The following IQCM variants were observed in gnomAD, a reference collection of about 807,000 sequenced individuals.
The protein encoded by IQCM is IQ motif containing M, also known as IQ domain-containing protein M.
IQCM carries 45 observed loss-of-function variants against 57.6 expected under a neutral mutation model. The observed-to-expected ratio is 0.78, with a 90% CI of 0.62 to 1.00. The LOEUF (loss-of-function observed/expected upper bound fraction) is 1.00, where lower values mean the gene tolerates loss of function less well. Ranked by LOEUF, IQCM falls within the 50% of genes least tolerant of loss-of-function variation. The pLI is 0.00. For missense variants in IQCM, 468 were observed against 511.6 expected (o/e 0.91, Z 0.82); for synonymous variants, 148 against 158.9 (o/e 0.93, Z 0.51).
At chr4:149,645,670 G>A (rs572055376) in intron 7 of IQCM, among the ~76,000 whole-genome samples, 2 of 152,094 alleles carry the variant, frequency 1.3e-5, no homozygotes, top group East Asian at 3.9e-4. Context: ...ATGTAGCACT[G>A]CCTTTTTAGT....
At chr4:149,586,522 C>G (rs1332385678) in intron 9 of IQCM, among the ~76,000 whole-genome samples, 1 of 151,476 alleles carries the variant, frequency 6.6e-6, no homozygotes, top group African/African-American at 2.4e-5. Context: ...TTAAAAAGAG[C>G]ACATAAATTT....
intron 7 of IQCM, among the ~76,000 whole-genome samples, chr4:149,664,978 G>A (rs893501265): frequency 3.9e-5 from 6 of 152,156 alleles, no homozygotes; most frequent in Non-Finnish European, 7.3e-5. Flanking sequence ...CTAGAAAGAG[G>A]TTAGGCACAT....
At chr4:149,771,300 C>T (rs1331304945) in intron 2 of IQCM, among the ~76,000 whole-genome samples, 2 of 151,864 alleles carry the variant, frequency 1.3e-5, no homozygotes, top group Non-Finnish European at 2.9e-5. Flanking sequence ...AACTATCTGC[C>T]CCTGTCAAGC....
chr4:149,814,677 A>T (rs1034780281), intron 2 of IQCM, among the ~76,000 whole-genome samples: 1 of 152,016 alleles, frequency 6.6e-6, no homozygotes, highest in African/African-American at 2.4e-5. Flanking sequence ...ACTTAGGGAC[A>T]GTTAAGATTA....
intron 12 of IQCM, among the ~76,000 whole-genome samples, chr4:149,497,985 G>A (rs1742848656): frequency 6.6e-6 from 1 of 152,072 alleles, no homozygotes; most frequent in Admixed American, 6.6e-5. Flanking sequence ...TCATAGATGT[G>A]ATAAAACACC....
chr4:149,647,265 T>A (rs906973906), intron 7 of IQCM, among the ~76,000 whole-genome samples: 3 of 152,182 alleles, frequency 2.0e-5, no homozygotes, highest in Admixed American at 2.0e-4. Flanking sequence ...TTGATTATAT[T>A]TACTATTTTT....
At position 149,451,427 on chromosome 4, in the gene IQCM, A is replaced by G. The variant is rs1357507242; in HGVS notation, c.1229-17870T>C. 7.2e-5 allele frequency among the ~76,000 whole-genome samples: 11 copies of G among 151,796 alleles called. No individual in the cohort carries two copies. In the South Asian group the frequency reaches 1.0e-3, roughly 14 times the overall value. ...TGATTATTATGCATTGCATGTCTGTATCACAGCATCTCATGTACTCCATCA... is the reference window on the plus strand; with the variant it reads ...TGATTATTATGCATTGCATGTCTGTGTCACAGCATCTCATGTACTCCATCA... On this transcript the variant is annotated intron_variant, in intron 12 of 13. Transcript: ENST00000636793.
chr4:149,396,156 A>T (rs1401698078), intron 13 of IQCM, among the ~76,000 whole-genome samples: 4 of 151,922 alleles, frequency 2.6e-5, no homozygotes, highest in Non-Finnish European at 5.9e-5. Flanking sequence ...AAATACTACA[A>T]AAAATACCTG....
intron 7 of IQCM, among the ~76,000 whole-genome samples, chr4:149,639,658 T>A (rs1758018890): frequency 6.6e-6 from 1 of 151,208 alleles, no homozygotes; most frequent in Non-Finnish European, 1.5e-5. Context: ...CAGTGGCTCA[T>A]GCCTATAATC....
At chr4:149,779,166 C>A (rs1011750798) in intron 2 of IQCM, among the ~76,000 whole-genome samples, 1 of 152,088 alleles carries the variant, frequency 6.6e-6, no homozygotes, top group Non-Finnish European at 1.5e-5. Context: ...TCAATGCTGG[C>A]TTCATATTCA....
At chr4:149,421,536 G>A (rs963612460) in intron 13 of IQCM, among the ~76,000 whole-genome samples, 11 of 151,994 alleles carry the variant, frequency 7.2e-5, no homozygotes, top group African/African-American at 9.6e-5. Flanking sequence ...AATTTTAAGT[G>A]TTTTATACAC....
At chr4:149,729,913 C>T (rs1414058761) in intron 5 of IQCM, among the ~76,000 whole-genome samples, 1 of 152,156 alleles carries the variant, frequency 6.6e-6, no homozygotes, top group African/African-American at 2.4e-5. Flanking sequence ...TATGCCCATT[C>T]ATTTCTAATT....
At chr4:149,666,721 G>A (rs1015970435) in intron 7 of IQCM, among the ~76,000 whole-genome samples, 2 of 152,092 alleles carry the variant, frequency 1.3e-5, no homozygotes, top group African/African-American at 4.8e-5. Context: ...AGTTGACCTG[G>A]GATACTAGAG....
intron 5 of IQCM, among the ~76,000 whole-genome samples, chr4:149,720,817 C>T (rs1201288923): frequency 6.6e-6 from 1 of 152,142 alleles, no homozygotes; most frequent in African/African-American, 2.4e-5. Context: ...TTAGAAATTT[C>T]ACAATAAGGA....
intron 2 of IQCM, among the ~76,000 whole-genome samples, chr4:149,747,514 C>G (rs1333234236): frequency 2.0e-5 from 3 of 152,198 alleles, no homozygotes; most frequent in Admixed American, 1.3e-4. Flanking sequence ...TCTGCACATT[C>G]AGTACAGACA....
At chr4:149,358,213 T>A (rs1037750200) in intron 13 of IQCM, among the ~76,000 whole-genome samples, 1 of 152,194 alleles carries the variant, frequency 6.6e-6, no homozygotes, top group Non-Finnish European at 1.5e-5. Flanking sequence ...GATTCATTGA[T>A]TTTTCAAAGG....
intron 7 of IQCM, among the ~76,000 whole-genome samples, chr4:149,638,739 C>A (rs1204356916): frequency 6.6e-6 from 1 of 152,120 alleles, no homozygotes; most frequent in African/African-American, 2.4e-5. Flanking sequence ...AGCCAGTTAT[C>A]TAAATAGCAA....
chr4:149,481,747 C>T (rs1364272640), intron 12 of IQCM, among the ~76,000 whole-genome samples: 102 of 29,544 alleles, frequency 3.5e-3, no homozygotes, highest in Non-Finnish European at 5.1e-3. Flanking sequence ...ACAGCTTTGG[C>T]TATTCTGGGT....
chr4:149,583,146 G>A (rs559580039), intron 9 of IQCM, among the ~76,000 whole-genome samples: 4 of 151,554 alleles, frequency 2.6e-5, no homozygotes, highest in Non-Finnish European at 4.4e-5. Context: ...TTTAGTTCCA[G>A]TATGCTACAA....
Sources: allele counts gnomAD v4.1 joint callset (sites outside exome capture counted in the v4.1 genomes callset), GRCh38; gene constraint gnomAD v4.1.1; transcripts MANE v1.5; gene names NCBI Gene and HGNC (gene_info 2026-07-23, HGNC 2026-07-21).